Variants in CDK19 observed in about 807,000 individuals in gnomAD.
The protein encoded by CDK19 is cyclin-dependent kinase 19.
In CDK19, 20 loss-of-function variants were observed where a neutral mutation model predicts 68.3. That is an observed-to-expected ratio of 0.29 (90% CI 0.21 to 0.43). The LOEUF (loss-of-function observed/expected upper bound fraction) is 0.43, where lower values mean the gene tolerates loss of function less well. Ranked by LOEUF, CDK19 falls within the 20% of genes least tolerant of loss-of-function variation. The probability of loss-of-function intolerance (pLI) is 1.00; values close to 1 mark genes in which losing one functional copy is unlikely to be tolerated. For missense variants in CDK19, 339 were observed against 623.5 expected, an observed-to-expected ratio of 0.54 and a Z score of 4.86; for synonymous variants, 221 against 222.8, an observed-to-expected ratio of 0.99 and a Z score of 0.07.
chr6:110,730,362 G>A (rs1170867676), intron 2 of CDK19, among the ~76,000 whole-genome samples: 1 of 152,198 alleles, frequency 6.6e-6, no homozygotes, highest in Admixed American at 6.5e-5. Context: ...CACAAAATCT[G>A]TAGAAAAGTT....
rs113042637 is a variant in CDK19, at chr6:110,621,881, G to A, written c.1110+207C>T. The stretch of plus-strand genomic sequence containing the variant: ...AGTAGAACTGGCTGTAACACACACC[G>A]GAAGCTCAGGTATCTGTGAGCTGGT... On this transcript the variant is annotated intron_variant, in intron 11 of 12. Transcript: ENST00000368911. The surrounding 1 kb of genome is among the most constrained non-coding windows in gnomAD (Gnocchi z 5.4). 0.012 allele frequency among the ~76,000 whole-genome samples: 1,893 copies of A among 152,208 alleles called. 35 individuals are homozygous for A. Among genetic ancestry groups the A allele is most frequent in the African/African-American group, 0.044 (1,808 of 41,522 alleles).
intron 4 of CDK19, among the ~76,000 whole-genome samples, chr6:110,664,625 C>T (rs1301170990): frequency 1.3e-5 from 2 of 152,138 alleles, no homozygotes; most frequent in African/African-American, 4.8e-5. Flanking sequence ...GGAAATACTT[C>T]CTCAACACCT....
chr6:110,639,588 T>C (rs534340056), intron 4 of CDK19, among the ~76,000 whole-genome samples: 2 of 152,336 alleles, frequency 1.3e-5, no homozygotes, highest in East Asian at 3.9e-4. Flanking sequence ...GATTGTATAA[T>C]ATTAGAAGCT....
At chr6:110,813,114 G>A (rs1341259697) in intron 1 of CDK19, 1 of 149,778 alleles carries the variant, frequency 6.7e-6, no homozygotes, top group East Asian at 2.0e-4. Flanking sequence ...CTCTAGTAAA[G>A]AAGCTTTATT....
chr6:110,772,684 C>A (rs1362330777), intron 1 of CDK19, among the ~76,000 whole-genome samples: 1 of 152,144 alleles, frequency 6.6e-6, no homozygotes, highest in Non-Finnish European at 1.5e-5. Context: ...TTTGAGGCCA[C>A]AAGTTCCAGA....
chr6:110,632,003 A>G, intron 6 of CDK19, 27 bp downstream of exon 6: 1 of 1,580,748 alleles, frequency 6.3e-7, no homozygotes, highest in South Asian at 1.1e-5. Flanking sequence ...AGATGACAAG[A>G]TAGTAAATCA....
rs1779132173 is a variant in CDK19 at position 110,627,002 on chromosome 6, C to T, written c.790G>A (p.Asp264Asn). The stretch of plus-strand genomic sequence containing the variant: ...GACTTTAAAAAGGAAAATAAATTAC[C>T]TGCAGGAAACCCCATGACACTAAAT... Reference protein sequence around the residue: ...RIFSVMGFPADKDWEDIRKMP... With the variant: ...RIFSVMGFPANKDWEDIRKMP... Residue 264 changes from aspartate to asparagine, a missense_variant and splice_region_variant, in exon 7 of 13, where the codon GAT (aspartate) becomes AAT (asparagine). Coordinates refer to ENST00000368911, the MANE Select transcript of CDK19 (RefSeq NM_015076.5). 1 of 1,597,938 alleles carries T rather than the reference C, an allele frequency of 6.3e-7. No individual in the cohort carries two copies. The highest frequency in any genetic ancestry group is 1.8e-5 in the Admixed American group (1 of 56,794).
At chr6:110,773,098 G>C (rs573660195) in intron 1 of CDK19, among the ~76,000 whole-genome samples, 1 of 151,638 alleles carries the variant, frequency 6.6e-6, no homozygotes, top group South Asian at 2.1e-4. Flanking sequence ...TTACAAGTGT[G>C]TGGGATGAGA....
rs147130204 is a variant in CDK19, at chr6:110,719,499, G to A, written c.204+26627C>T. 5.3e-5 allele frequency among the ~76,000 whole-genome samples: 8 copies of A among 152,140 alleles called. No individual in the cohort carries two copies. In the East Asian group the frequency reaches 1.5e-3, roughly 29 times the overall value. On this transcript the variant is annotated intron_variant, in intron 2 of 12. Coordinates refer to ENST00000368911, the MANE Select transcript of CDK19 (RefSeq NM_015076.5). ...TGATCTTACCACTGCACTCCAGCCT[G>A]GGTGACAGGGTGAGACCCCAACTCA...
intron 2 of CDK19, among the ~76,000 whole-genome samples, chr6:110,699,142 G>A (rs970226362): frequency 1.3e-5 from 2 of 151,410 alleles, no homozygotes; most frequent in Non-Finnish European, 2.9e-5. Flanking sequence ...CAGAAACTTG[G>A]GGCTGGGCAC....
chr6:110,796,002 T>TAGG, intron 1 of CDK19, among the ~76,000 whole-genome samples: 1 of 152,290 alleles, frequency 6.6e-6, no homozygotes, highest in South Asian at 2.1e-4. Context: ...GTAAAGTAAT[T>TAGG]TAGTAACTAC....
At chr6:110,752,995 C>T (rs1483798040) in intron 1 of CDK19, among the ~76,000 whole-genome samples, 1 of 152,034 alleles carries the variant, frequency 6.6e-6, no homozygotes, top group Non-Finnish European at 1.5e-5. Context: ...AGTGGTACGA[C>T]CTCAACTCAC....
chr6:110,670,869 TATC>T (rs1319410085), intron 2 of CDK19: 2 of 426,410 alleles, frequency 4.7e-6, no homozygotes, highest in South Asian at 3.6e-5. Context: ...ACAAAAGTAA[TATC>T]ATATCATTAA....
intron 2 of CDK19, among the ~76,000 whole-genome samples, chr6:110,679,131 G>C (rs1236970939): frequency 6.6e-6 from 1 of 151,916 alleles, no homozygotes; most frequent in Non-Finnish European, 1.5e-5. Flanking sequence ...CACACAGCAA[G>C]AGCCCTATCT....
intron 1 of CDK19, among the ~76,000 whole-genome samples, chr6:110,790,412 G>A (rs771061125): frequency 6.6e-5 from 10 of 152,160 alleles, no homozygotes; most frequent in African/African-American, 9.7e-5. Context: ...GCAGGTGCCT[G>A]TAATCCCAGC....
chr6:110,659,271 ATT>A, intron 4 of CDK19, among the ~76,000 whole-genome samples: 1 of 152,362 alleles, frequency 6.6e-6, no homozygotes, highest in South Asian at 2.1e-4. Flanking sequence ...CTAAGCACTT[ATT>A]TTTAATCAAA....
At chr6:110,765,996 G>T (rs1014010193) in intron 1 of CDK19, among the ~76,000 whole-genome samples, 2 of 152,094 alleles carry the variant, frequency 1.3e-5, no homozygotes, top group African/African-American at 4.8e-5. Flanking sequence ...TATACTGTTG[G>T]TGAGAATGTA....
intron 1 of CDK19, among the ~76,000 whole-genome samples, chr6:110,758,792 GA>G (rs1778996973): frequency 1.3e-5 from 2 of 152,040 alleles, no homozygotes; most frequent in African/African-American, 4.8e-5. Context: ...GAGGGAAGGA[GA>G]AAAATATAAA....
At chr6:110,623,959 A>G (rs1778926852) in intron 8 of CDK19, among the ~76,000 whole-genome samples, 1 of 149,550 alleles carries the variant, frequency 6.7e-6, no homozygotes, top group South Asian at 2.1e-4. Flanking sequence ...ATATATATAG[A>G]CAATCCAAAT....
Sources: allele counts gnomAD v4.1 joint callset (sites outside exome capture counted in the v4.1 genomes callset), GRCh38; gene constraint gnomAD v4.1.1; non-coding constraint Gnocchi (gnomAD v3.1); transcripts MANE v1.5; gene names NCBI Gene and HGNC (gene_info 2026-07-23, HGNC 2026-07-21).